Variants in DOCK3 observed in about 807,000 individuals in gnomAD.
The protein encoded by DOCK3 is dedicator of cytokinesis 3.
DOCK3 carries 60 observed loss-of-function variants against 265.6 expected under a neutral mutation model. The observed-to-expected ratio is 0.23, with a 90% CI of 0.18 to 0.28. The LOEUF (loss-of-function observed/expected upper bound fraction) is 0.28. Among genes scored for constraint, DOCK3 ranks in the 10% least tolerant of loss-of-function variants. The pLI, the probability that DOCK3 is intolerant of heterozygous loss-of-function variation, is 1.00. For synonymous variants in DOCK3, 881 were observed against 938.0 expected (o/e 0.94, Z 1.11); for missense variants, 1,981 against 2,594.3 (o/e 0.76, Z 5.14).
At chr3:50,870,321 T>C (rs1286474476) in intron 3 of DOCK3, among the ~76,000 whole-genome samples, 1 of 152,200 alleles carries the variant, frequency 6.6e-6, no homozygotes, top group African/African-American at 2.4e-5. Context: ...ATACTTAAAA[T>C]TGTTATATTC....
intron 6 of DOCK3, among the ~76,000 whole-genome samples, chr3:51,069,703 C>CTA (rs938928881): frequency 5.8e-4 from 88 of 152,154 alleles, no homozygotes; most frequent in African/African-American, 2.1e-3. Context: ...TCTAACCCAT[C>CTA]TATATCTCTT....
chr3:50,765,267 A>G (rs1174696496), intron 1 of DOCK3, among the ~76,000 whole-genome samples: 1 of 151,436 alleles, frequency 6.6e-6, no homozygotes, highest in Non-Finnish European at 1.5e-5. Context: ...AATTTTTAGT[A>G]GAGATAGGGT....
At chr3:50,750,160 A>C (rs1204347390) in intron 1 of DOCK3, among the ~76,000 whole-genome samples, 1 of 152,024 alleles carries the variant, frequency 6.6e-6, no homozygotes. Context: ...CCTTATGAGA[A>C]TCTAACTAAT....
chr3:51,153,355 G>A (rs150454768), intron 10 of DOCK3, among the ~76,000 whole-genome samples: 3,218 of 152,248 alleles, frequency 0.021, 129 homozygotes, highest in African/African-American at 0.073. Context: ...TGCTAAGACC[G>A]TTGTAAAAGT....
intron 1 of DOCK3, among the ~76,000 whole-genome samples, chr3:50,752,841 A>G (rs2039922602): frequency 6.6e-6 from 1 of 152,202 alleles, no homozygotes; most frequent in African/African-American, 2.4e-5. Context: ...AATTACTTCC[A>G]TGTAGTGTAA....
At chr3:50,793,814 C>G (rs748364030) in intron 2 of DOCK3, among the ~76,000 whole-genome samples, 1 of 152,072 alleles carries the variant, frequency 6.6e-6, no homozygotes, top group African/African-American at 2.4e-5. Flanking sequence ...CTCCCTAATT[C>G]TTTTAGTTGT....
intron 1 of DOCK3, among the ~76,000 whole-genome samples, chr3:50,754,157 C>CAAAAAA (rs71084110): frequency 1.6e-5 from 1 of 61,568 alleles, no homozygotes; most frequent in Non-Finnish European, 2.6e-5. Flanking sequence ...GACTCTGTCT[C>CAAAAAA]AAAAAAAAAA....
chr3:51,355,132 C>G, intron 41 of DOCK3, 109 bp downstream of exon 41: 4 of 1,423,804 alleles, frequency 2.8e-6, no homozygotes, highest in Non-Finnish European at 2.8e-6. Context: ...TTTAGATATC[C>G]CATAGTCCTA....
At chr3:50,760,912 G>A (rs1431037031) in intron 1 of DOCK3, among the ~76,000 whole-genome samples, 2 of 151,824 alleles carry the variant, frequency 1.3e-5, no homozygotes, top group African/African-American at 2.4e-5. Flanking sequence ...CTCCTGAGTA[G>A]CTGGGACTAC....
At chr3:51,045,354 T>G (rs2080728322) in intron 5 of DOCK3, among the ~76,000 whole-genome samples, 1 of 152,118 alleles carries the variant, frequency 6.6e-6, no homozygotes, top group Admixed American at 6.6e-5. Context: ...TTTCTCCATC[T>G]TATATGGGTG....
At chr3:50,740,923 A>G (rs2038976559) in intron 1 of DOCK3, among the ~76,000 whole-genome samples, 1 of 152,114 alleles carries the variant, frequency 6.6e-6, no homozygotes, top group Non-Finnish European at 1.5e-5. Context: ...CATCACCACT[A>G]TCTAGTTCCC....
intron 2 of DOCK3, among the ~76,000 whole-genome samples, chr3:50,816,552 CT>C (rs1224359062): frequency 7.2e-5 from 11 of 151,964 alleles, no homozygotes; most frequent in Non-Finnish European, 1.3e-4. Context: ...AACTCCTGAC[CT>C]CAGGTGATCT....
At chr3:51,275,973 G>GA in intron 25 of DOCK3, among the ~76,000 whole-genome samples, 1 of 152,290 alleles carries the variant, frequency 6.6e-6, no homozygotes, top group East Asian at 1.9e-4. Flanking sequence ...CATAAGGAAA[G>GA]AAATGTAGAA....
chr3:50,803,123 C>G (rs974394331), intron 2 of DOCK3, among the ~76,000 whole-genome samples: 1 of 150,016 alleles, frequency 6.7e-6, no homozygotes, highest in Admixed American at 6.6e-5. Flanking sequence ...TTCTCGGAGA[C>G]GGGGATTTGG....
intron 27 of DOCK3, among the ~76,000 whole-genome samples, chr3:51,301,792 G>T (rs1246067769): frequency 1.3e-5 from 2 of 152,148 alleles, no homozygotes; most frequent in Non-Finnish European, 2.9e-5. Flanking sequence ...TGTGTTCTGA[G>T]ATCCTGTTTG....
At chr3:50,783,555 T>G (rs560641835) in intron 2 of DOCK3, among the ~76,000 whole-genome samples, 103 of 152,266 alleles carry the variant, frequency 6.8e-4, no homozygotes, top group Middle Eastern at 3.4e-3. Context: ...TTATTTGTTT[T>G]TCTCTTCTTG....
At chr3:50,872,787 C>T (rs1205766867) in intron 3 of DOCK3, among the ~76,000 whole-genome samples, 6 of 152,202 alleles carry the variant, frequency 3.9e-5, no homozygotes, top group Admixed American at 2.0e-4. Flanking sequence ...CTCCCCTTTC[C>T]GAAGGCAGAG....
At chr3:50,676,123 T>G (rs1214508854) in intron 1 of DOCK3, among the ~76,000 whole-genome samples, 1 of 152,208 alleles carries the variant, frequency 6.6e-6, no homozygotes, top group Non-Finnish European at 1.5e-5. Flanking sequence ...GAAACAGATT[T>G]AAAATGTTGA....
chr3:50,729,653 T>G (rs1212860012), intron 1 of DOCK3, among the ~76,000 whole-genome samples: 1 of 151,706 alleles, frequency 6.6e-6, no homozygotes, highest in Non-Finnish European at 1.5e-5. Context: ...TACTTCAGCC[T>G]CCCCAGTAGC....
Sources: allele counts gnomAD v4.1 joint callset (sites outside exome capture counted in the v4.1 genomes callset), GRCh38; gene constraint gnomAD v4.1.1; transcripts MANE v1.5; gene names NCBI Gene and HGNC (gene_info 2026-07-23, HGNC 2026-07-21).